Variants in PDE3B observed in about 807,000 individuals in gnomAD.
PDE3B encodes phosphodiesterase 3B.
Under a neutral mutation model 116.8 loss-of-function variants are expected in PDE3B, and 66 were observed. That is an observed-to-expected ratio of 0.56 (90% CI 0.46 to 0.69). The LOEUF (loss-of-function observed/expected upper bound fraction) is 0.69, where lower values mean the gene tolerates loss of function less well. PDE3B is among the 30% of genes least tolerant of loss of function. PDE3B has a pLI of 0.00. For synonymous variants in PDE3B, 595 were observed against 533.6 expected (o/e 1.12, Z -1.59); for missense variants, 1,384 against 1,368.1 (o/e 1.01, Z -0.18).
the PDE3B span, chr11:14,885,791 T>A: frequency 6.2e-7 from 1 of 1,612,810 alleles, no homozygotes; most frequent in Non-Finnish European, 8.5e-7. Context: ...ATTTTTGTCA[T>A]CTTCATGAAT....
At chr11:14,892,083 CG>C in the PDE3B span, 4 of 1,611,668 alleles carry the variant, frequency 2.5e-6, no homozygotes, top group Non-Finnish European at 2.5e-6. Flanking sequence ...CCGGCGGCCC[CG>C]GGGGGAAGCC....
chr11:14,884,669 C>CT, the PDE3B span, among the ~76,000 whole-genome samples: 1 of 151,142 alleles, frequency 6.6e-6, no homozygotes, highest in Non-Finnish European at 1.5e-5. Flanking sequence ...TACCCTAAAA[C>CT]TTAAAGTATA....
At chr11:14,816,331 A>G (rs1432711033) in intron 5 of PDE3B, among the ~76,000 whole-genome samples, 4 of 152,250 alleles carry the variant, frequency 2.6e-5, no homozygotes, top group African/African-American at 9.6e-5. Flanking sequence ...CATCGCACAC[A>G]TCTGTAAGTG....
intron 4 of PDE3B, 59 bp downstream of exon 4, chr11:14,789,301 CAAT>C (rs1183212187): frequency 2.2e-6 from 3 of 1,337,780 alleles, no homozygotes; most frequent in African/African-American, 3.0e-5. Flanking sequence ...TTGTTTCTGT[CAAT>C]AATGTTTCAA....
At chr11:14,712,120 C>T (rs1234193241) in intron 1 of PDE3B, among the ~76,000 whole-genome samples, 1 of 152,194 alleles carries the variant, frequency 6.6e-6, no homozygotes, top group Non-Finnish European at 1.5e-5. Context: ...GGATCTTTCT[C>T]TGTCCCCCAC....
At chr11:14,865,359 A>G (rs1848025013) in intron 14 of PDE3B, among the ~76,000 whole-genome samples, 1 of 152,168 alleles carries the variant, frequency 6.6e-6, no homozygotes. Flanking sequence ...TGGCTTTGGA[A>G]TTACATTCCT....
intron 1 of PDE3B, among the ~76,000 whole-genome samples, chr11:14,664,377 A>T (rs1275876610): frequency 6.6e-6 from 1 of 152,158 alleles, no homozygotes; most frequent in Non-Finnish European, 1.5e-5. Flanking sequence ...AAGAGCAAAC[A>T]CATTCAAAAG....
intron 2 of PDE3B, among the ~76,000 whole-genome samples, chr11:14,778,915 A>G (rs968746190): frequency 2.0e-5 from 3 of 152,194 alleles, no homozygotes; most frequent in Non-Finnish European, 2.9e-5. Flanking sequence ...AAAGAAGCCA[A>G]AAACCTTGAA....
chr11:14,879,200 C>G, the PDE3B span: 2 of 1,613,284 alleles, frequency 1.2e-6, no homozygotes, highest in Non-Finnish European at 1.7e-6. Context: ...TTCTGGGTCT[C>G]TCCAGTACTT....
At chr11:14,658,809 T>C (rs888795299) in intron 1 of PDE3B, among the ~76,000 whole-genome samples, 2 of 152,234 alleles carry the variant, frequency 1.3e-5, no homozygotes, top group African/African-American at 4.8e-5. Flanking sequence ...ATATTCTCTA[T>C]CATATTTGGG....
In PDE3B at chr11:14,764,631, T is replaced by TA. The variant is rs576971912; in HGVS notation, c.979-7305dup. Among the ~76,000 whole-genome samples, 49 of 152,198 alleles carry TA rather than the reference T, an allele frequency of 3.2e-4. 1 individual carries two copies. The East Asian group carries it at 8.7e-3, about 27-fold the overall frequency. On this transcript the variant is annotated intron_variant, in intron 1 of 15. Transcript: ENST00000282096. ...CTAGATTTAAGTTCTGTCCGTCACTTACTAATCATGAGATTTTGGGAAGTC... is the reference window on the plus strand; with the variant it reads ...CTAGATTTAAGTTCTGTCCGTCACTTAACTAATCATGAGATTTTGGGAAGTC...
intron 4 of PDE3B, among the ~76,000 whole-genome samples, chr11:14,801,004 G>C (rs1232727419): frequency 1.3e-5 from 2 of 151,892 alleles, no homozygotes; most frequent in African/African-American, 4.8e-5. Flanking sequence ...AGCTCCATCA[G>C]GTCATTTATT....
At chr11:14,651,709 C>A (rs997356057) in intron 1 of PDE3B, among the ~76,000 whole-genome samples, 1 of 152,126 alleles carries the variant, frequency 6.6e-6, no homozygotes, top group African/African-American at 2.4e-5. Flanking sequence ...GATTCAATCT[C>A]ATTTTTTATC....
In PDE3B at chr11:14,871,153, ATTTGGCTTATC is replaced by A. The variant is rs1215909126; in HGVS notation, c.*1495_*1505del. 10 of 152,284 alleles carry A rather than the reference ATTTGGCTTATC, an allele frequency of 6.6e-5. No homozygotes were observed. The highest frequency in any genetic ancestry group is 2.4e-4 in the African/African-American group (10 of 41,580). The allele number at this position is 152,284 out of a possible 1,614,324, so 9.4% of individuals were successfully genotyped here. ...ATGCAGTTTCTTACTTATCTAGAAT[ATTTGGCTTATC>A]TGAAAGATATCAATTTAAGATCTCT... is the stretch of plus-strand genomic sequence containing the variant. On this transcript the variant is annotated 3_prime_UTR_variant, in exon 16 of 16. Transcript: ENST00000282096.
chr11:14,822,428 GA>G (rs1859549735), intron 7 of PDE3B, among the ~76,000 whole-genome samples: 1 of 152,192 alleles, frequency 6.6e-6, no homozygotes, highest in Non-Finnish European at 1.5e-5. Flanking sequence ...GATTCATCAA[GA>G]AAACAACCCA....
chr11:14,750,515 T>C (rs533639697), intron 1 of PDE3B, among the ~76,000 whole-genome samples: 1 of 152,076 alleles, frequency 6.6e-6, no homozygotes, highest in Non-Finnish European at 1.5e-5. Flanking sequence ...TCATTGGTTC[T>C]TAATGTGAAT....
intron 14 of PDE3B, among the ~76,000 whole-genome samples, chr11:14,866,217 T>C (rs1555008025): frequency 6.6e-6 from 1 of 152,196 alleles, no homozygotes; most frequent in Non-Finnish European, 1.5e-5. Context: ...AAAAACAATA[T>C]GTTATCTCAG....
chr11:14,883,137 C>T, the PDE3B span, among the ~76,000 whole-genome samples: 1 of 152,050 alleles, frequency 6.6e-6, no homozygotes, highest in African/African-American at 2.4e-5. Flanking sequence ...CAATGCCATC[C>T]CCATCAAGCT....
intron 1 of PDE3B, among the ~76,000 whole-genome samples, chr11:14,759,171 C>T (rs1857280732): frequency 6.6e-6 from 1 of 152,078 alleles, no homozygotes; most frequent in Non-Finnish European, 1.5e-5. Context: ...TCGTTTTTTC[C>T]AGTATTTTAT....
Sources: allele counts gnomAD v4.1 joint callset (sites outside exome capture counted in the v4.1 genomes callset), GRCh38; gene constraint gnomAD v4.1.1; transcripts MANE v1.5; gene names NCBI Gene and HGNC (gene_info 2026-07-23, HGNC 2026-07-21).